The following RBM12B variants were observed in gnomAD, a reference collection of about 807,000 sequenced individuals.
The protein encoded by RBM12B is RNA-binding protein 12B.
In RBM12B, 10 loss-of-function variants were observed where a neutral mutation model predicts 34.3. The observed-to-expected ratio is 0.29, with a 90% CI of 0.18 to 0.49. The LOEUF (loss-of-function observed/expected upper bound fraction) is 0.49, where lower values mean the gene tolerates loss of function less well. Ranked by LOEUF, RBM12B falls within the 20% of genes least tolerant of loss-of-function variation. The probability of loss-of-function intolerance (pLI) is 0.99; values close to 1 mark genes in which losing one functional copy is unlikely to be tolerated. For missense variants in RBM12B, 1,139 were observed against 1,262.7 expected (o/e 0.90, Z 1.48); for synonymous variants, 477 against 437.1 (o/e 1.09, Z -1.14).
rs1332973691 is a variant in RBM12B at position 93,729,509 on chromosome 8, ATT to A, written c.*3894_*3895del. 1 of 152,142 alleles carries A rather than the reference ATT, an allele frequency of 6.6e-6. No homozygotes were observed. Among genetic ancestry groups the A allele is most frequent in the African/African-American group, 2.4e-5 (1 of 41,436 alleles). The allele number at this position is 152,142 out of a possible 1,614,324, so 9.4% of individuals were successfully genotyped here. On this transcript the variant is annotated 3_prime_UTR_variant, in exon 4 of 4. Coordinates refer to ENST00000520560, the MANE Select transcript of RBM12B (RefSeq NM_001377960.1). ...TAAATAGCAACTTCTCTTGAGCATT[ATT>A]TGCCTTGTTTGTAAAGTTAAAACTG...
rs745616903 is a variant in RBM12B at position 93,728,163 on chromosome 8, A to C, written c.*5242T>G. ...ATACCAAGAATGTAAAATTTTTTTA[A>C]GTTAGTATTTTTATTTTAAAAAGTG... is the stretch of plus-strand genomic sequence containing the variant. On this transcript the variant is annotated 3_prime_UTR_variant, in exon 4 of 4. Coordinates refer to ENST00000520560, the MANE Select transcript of RBM12B (RefSeq NM_001377960.1). 7.8e-6 allele frequency: 10 copies of C among 1,289,864 alleles called. No individual in the cohort carries two copies. The South Asian group carries it at 1.5e-4, about 20-fold the overall frequency. The allele number at this position is 1,289,864 out of a possible 1,614,324, so 79.9% of individuals were successfully genotyped here.
At chr8:93,738,748 G>A (rs1442886193) in intron 2 of RBM12B, among the ~76,000 whole-genome samples, 1 of 152,196 alleles carries the variant, frequency 6.6e-6, no homozygotes, top group African/African-American at 2.4e-5. Flanking sequence ...ACAGGTATGA[G>A]CCACTGCGCC....
rs753338487 is a variant in RBM12B at position 93,734,552 on chromosome 8, C to T, written c.1859G>A (p.Arg620Lys). 1 of 1,613,718 alleles carries T rather than the reference C, an allele frequency of 6.2e-7. No homozygotes were observed. The highest frequency in any genetic ancestry group is 1.1e-5 in the South Asian group (1 of 91,066). The change falls in exon 4 of 4, where the codon AGG becomes AAG. Residue 620 changes from arginine (R) to lysine (K), a missense_variant. By Grantham distance (26) the Arg-to-Lys change is conservative. Around this residue, in one of 3 missense-constraint regions of RBM12B, gnomAD observed 863 missense variants for 869.5 expected, o/e 0.99. Coordinates refer to ENST00000520560, the MANE Select transcript of RBM12B (RefSeq NM_001377960.1). ...DFRHPREEDW[R>K]RPLEEDWRRP... ...CCTCCAGTCCTCCTCAAGGGGCCTCCTCCAGTCCTCCTCCCTAGGGTGCCT... is the reference window on the plus strand; with the variant it reads ...CCTCCAGTCCTCCTCAAGGGGCCTCTTCCAGTCCTCCTCCCTAGGGTGCCT...
Position 93,740,957 on chromosome 8 carries a change from G to A in RBM12B, c.-222C>T, listed in dbSNP as rs368762996. On this transcript the variant is annotated 5_prime_UTR_variant, in exon 1 of 4. Coordinates refer to ENST00000520560, the MANE Select transcript of RBM12B (RefSeq NM_001377960.1). ...CGCAGCAGCCTCCCCAAAACAGGTA[G>A]ACCCTCAGTGAGCCCAGAAGAAGAT... The A allele has an allele frequency of 2.0e-3, 393 of 197,248 alleles. 9 individuals are homozygous for A. In the South Asian group the frequency reaches 0.029, roughly 14 times the overall value. The allele number at this position is 197,248 out of a possible 1,614,324, so 12.2% of individuals were successfully genotyped here. A position where few individuals can be genotyped will look rare whatever the true frequency, so the allele number is the denominator to read the frequency against.
At position 93,732,271 on chromosome 8, in the gene RBM12B, A is replaced by T. The variant is rs1490285784; in HGVS notation, c.*1134T>A. ...GTGCTTACAGTGCCTAGCACATAGT[A>T]AGTGCCTAATAAATGTTAGCCATAA... On this transcript the variant is annotated 3_prime_UTR_variant, in exon 4 of 4. Coordinates refer to ENST00000520560, the MANE Select transcript of RBM12B (RefSeq NM_001377960.1). 1 of 152,240 alleles carries T rather than the reference A, an allele frequency of 6.6e-6. No individual in the cohort carries two copies. Among genetic ancestry groups the T allele is most frequent in the African/African-American group, 2.4e-5 (1 of 41,466 alleles). 9.4% of individuals were successfully genotyped at this position (152,240 alleles called of 1,614,324 possible).
Position 93,733,326 on chromosome 8 carries a change from AAAAC to A in RBM12B, c.*75_*78del. 1.7e-6 allele frequency: 2 copies of A among 1,185,988 alleles called. No individual in the cohort carries two copies. The highest frequency in any genetic ancestry group is 5.7e-5 in the South Asian group (2 of 35,072). 73.5% of individuals were successfully genotyped at this position (1,185,988 alleles called of 1,614,324 possible). ...ATATTTCATTAGATAATTTAAAAAA[AAAAC>A]ACTTTTTTAAAACAAATGTATTTTA... On this transcript the variant is annotated 3_prime_UTR_variant, in exon 4 of 4. Transcript: ENST00000520560.
At chr8:93,739,379 C>T (rs759615513) in intron 2 of RBM12B, among the ~76,000 whole-genome samples, 3 of 152,166 alleles carry the variant, frequency 2.0e-5, no homozygotes, top group Non-Finnish European at 2.9e-5. Flanking sequence ...GCACAAATCT[C>T]ATGAATTCCA....
intron 3 of RBM12B, among the ~76,000 whole-genome samples, chr8:93,736,673 A>G (rs1812031168): frequency 6.6e-6 from 1 of 152,218 alleles, no homozygotes; most frequent in African/African-American, 2.4e-5. Flanking sequence ...CGTATCACCT[A>G]TTCTATACAA....
rs996029713 is a variant in RBM12B, at chr8:93,735,414, T to A, written c.997A>T (p.Thr333Ser). The A allele has an allele frequency of 5.6e-6, 9 of 1,613,320 alleles. No homozygotes were observed. The highest frequency in any genetic ancestry group is 7.6e-6 in the Non-Finnish European group (9 of 1,179,678). Residue 333 changes from threonine to serine, a missense_variant, in exon 4 of 4, where the codon ACT (threonine) becomes TCT (serine). Thr to Ser is a moderately conservative substitution (Grantham distance 58). This residue lies in a region of RBM12B where 863 missense variants were observed against 869.5 expected (regional missense o/e 0.99). Transcript: ENST00000520560. The stretch of plus-strand genomic sequence containing the variant: ...AGAGCGGTATTATAGTCTTTCAGAG[T>A]CTTGAACATCACAAAGGCATATCTT... ...RTRYAFVMFK[T>S]LKDYNTALSL...
chr8:93,739,962 C>G lies in RBM12B; in HGVS notation c.-78+667G>C, dbSNP rs182505078. 4.1e-3 allele frequency among the ~76,000 whole-genome samples: 627 copies of G among 152,284 alleles called. 6 individuals are homozygous for G. The highest frequency in any genetic ancestry group is 0.014 in the African/African-American group (597 of 41,552). ...GAGACAGAATTTAAATAAGTAATAT[C>G]TCATCAGATCCATTTGATTTTTAAC... On this transcript the variant is annotated intron_variant, in intron 2 of 3. Coordinates refer to ENST00000520560, the MANE Select transcript of RBM12B (RefSeq NM_001377960.1).
Position 93,734,135 on chromosome 8 carries a change from G to A in RBM12B, c.2276C>T (p.Pro759Leu). Residue 759 changes from proline to leucine, a missense_variant, in exon 4 of 4, where the codon CCC (proline) becomes CTC (leucine). Physicochemically the swap from Pro to Leu is moderately conservative, Grantham distance 98. Around this residue, in one of 3 missense-constraint regions of RBM12B, gnomAD observed 863 missense variants for 869.5 expected, o/e 0.99. Coordinates refer to ENST00000520560, the MANE Select transcript of RBM12B (RefSeq NM_001377960.1). ...RPPPEHFRRP[P>L]PEHFRRPPPE... Reference sequence around the variant, plus strand: ...GGGTGGCCGCCTGAAGTGCTCTGGGGGTGGCCGCCGGAAGTGCTCTGGGGG... The same window carrying A: ...GGGTGGCCGCCTGAAGTGCTCTGGGAGTGGCCGCCGGAAGTGCTCTGGGGG... 6.4e-7 allele frequency: 1 copy of A among 1,562,328 alleles called. No homozygotes were observed. The highest frequency in any genetic ancestry group is 8.6e-7 in the Non-Finnish European group (1 of 1,156,308).
Position 93,736,036 on chromosome 8 carries a change from TGAA to T in RBM12B, c.372_374del (p.Ser125del). On this transcript the variant is annotated inframe_deletion, in exon 4 of 4. Transcript: ENST00000520560. ...TATGAAACCCAGCATCTTGATTAAT[TGAA>T]GAGCCATATCCAGAATTACTTGCTT... 1 of 1,614,216 alleles carries T rather than the reference TGAA, an allele frequency of 6.2e-7. No individual in the cohort carries two copies. Among genetic ancestry groups the T allele is most frequent in the Non-Finnish European group, 8.5e-7 (1 of 1,180,042 alleles).
At chr8:93,737,827 A>C (rs867380184) in intron 2 of RBM12B, among the ~76,000 whole-genome samples, 3,338 of 140,460 alleles carry the variant, frequency 0.024, 120 homozygotes, top group African/African-American at 0.084. Flanking sequence ...AAAAAAAAAA[A>C]AAGAACTTCA....
chr8:93,733,521 A>C lies in RBM12B; in HGVS notation c.2890T>G (p.Leu964Val). 1 of 1,612,090 alleles carries C rather than the reference A, an allele frequency of 6.2e-7. No homozygotes were observed. The highest frequency in any genetic ancestry group is 8.5e-7 in the Non-Finnish European group (1 of 1,178,510). The change falls in exon 4 of 4, where the codon TTA becomes GTA. Residue 964 changes from leucine to valine, a missense_variant. Around this residue, in one of 3 missense-constraint regions of RBM12B, gnomAD observed 60 missense variants for 101.0 expected, o/e 0.59. Transcript: ENST00000520560. The stretch of plus-strand genomic sequence containing the variant: ...GCAACAATGGCTTCCCCTGTAGGTA[A>C]GCCTTGCTCATTATACTGTATCGAA... ...SVSIQYNEQG[L>V]PTGEAIVAMI...
chr8:93,734,450 GGTTGCCTGAAGTCCTCCTCGGGGA>G lies in RBM12B; in HGVS notation c.1937_1960del (p.Leu646_Gln653del). On this transcript the variant is annotated inframe_deletion, in exon 4 of 4. Transcript: ENST00000520560. ...GAGCCACCTTAAGTCCTCCTCAGGG[GGTTGCCTGAAGTCCTCCTCGGGGA>G]GCTGCCTGAAGTCCTCCGTGGGAGA... The G allele has an allele frequency of 6.2e-7, 1 of 1,605,948 alleles. No homozygotes were observed.
In RBM12B at chr8:93,732,326, C is replaced by G. The variant is rs1462965070; in HGVS notation, c.*1079G>C. ...TATTGTGGGTATAGAAAATCAAATT[C>G]CCTAGTTGCAAAATGTATGCACTAA... On this transcript the variant is annotated 3_prime_UTR_variant, in exon 4 of 4. Coordinates refer to ENST00000520560, the MANE Select transcript of RBM12B (RefSeq NM_001377960.1). The G allele has an allele frequency of 6.6e-6, 1 of 152,170 alleles. No individual in the cohort carries two copies. Among genetic ancestry groups the G allele is most frequent in the Non-Finnish European group, 1.5e-5 (1 of 68,026 alleles). 9.4% of individuals were successfully genotyped at this position (152,170 alleles called of 1,614,324 possible).
chr8:93,734,735 C>G lies in RBM12B; in HGVS notation c.1676G>C (p.Arg559Pro), dbSNP rs560665909. Residue 559 changes from arginine to proline, a missense_variant, in exon 4 of 4, where the codon CGA (arginine) becomes CCA (proline). Arg to Pro is a moderately radical substitution (Grantham distance 103). This residue lies in a region of RBM12B where 863 missense variants were observed against 869.5 expected (regional missense o/e 0.99). Coordinates refer to ENST00000520560, the MANE Select transcript of RBM12B (RefSeq NM_001377960.1). ...QPDRHPPEDFRHSSEDFRFPP... is the reference protein window; with the variant it reads ...QPDRHPPEDFPHSSEDFRFPP... ...GAACCTAAAGTCCTCTGAGGAGTGT[C>G]GGAAGTCTTCTGGAGGGTGCCTGTC... The G allele has an allele frequency of 1.9e-6, 3 of 1,614,096 alleles. No individual in the cohort carries two copies. The African/African-American group carries it at 4.0e-5, about 22-fold the overall frequency.
Position 93,734,558 on chromosome 8 carries a change from T to C in RBM12B, c.1853A>G (p.Asp618Gly). The change falls in exon 4 of 4, where the codon GAC (aspartate) becomes GGC (glycine). Residue 618 changes from aspartate (D) to glycine (G), a missense_variant. Physicochemically the swap from Asp to Gly is moderately conservative, Grantham distance 94. Coordinates refer to ENST00000520560, the MANE Select transcript of RBM12B (RefSeq NM_001377960.1). ...EDDFRHPREE[D>G]WRRPLEEDWR... The stretch of plus-strand genomic sequence containing the variant: ...GTCCTCCTCAAGGGGCCTCCTCCAG[T>C]CCTCCTCCCTAGGGTGCCTGAAGTC... The C allele has an allele frequency of 6.2e-7, 1 of 1,613,402 alleles. No individual in the cohort carries two copies. Among genetic ancestry groups the C allele is most frequent in the South Asian group, 1.1e-5 (1 of 91,054 alleles).
rs1250400316 is a variant in RBM12B at position 93,731,650 on chromosome 8, A to G, written c.*1755T>C. On this transcript the variant is annotated 3_prime_UTR_variant, in exon 4 of 4. Transcript: ENST00000520560. ...ATAGGTAGTAACTAAGTACTGACAA[A>G]GTATTCTACCTATGCAATATCCTAT... 6.6e-6 allele frequency: 1 copy of G among 152,264 alleles called. No homozygotes were observed. Among genetic ancestry groups the G allele is most frequent in the Non-Finnish European group, 1.5e-5 (1 of 68,040 alleles). 9.4% of individuals were successfully genotyped at this position (152,264 alleles called of 1,614,324 possible).
Sources: allele counts gnomAD v4.1 joint callset (sites outside exome capture counted in the v4.1 genomes callset), GRCh38; gene constraint gnomAD v4.1.1; regional missense constraint gnomAD v4.1.1; transcripts MANE v1.5; gene names NCBI Gene and HGNC (gene_info 2026-07-23, HGNC 2026-07-21).